TRAM2: variants seen among roughly 807,000 people sequenced by gnomAD.
TRAM2 encodes translocating chain-associated membrane protein 2.
TRAM2 carries 12 observed loss-of-function variants against 51.0 expected under a neutral mutation model. The observed-to-expected ratio is 0.24, with a 90% CI of 0.15 to 0.38. The LOEUF (loss-of-function observed/expected upper bound fraction) is 0.38. Among genes scored for constraint, TRAM2 ranks in the 10% least tolerant of loss-of-function variants. The pLI is 1.00. For missense variants in TRAM2, 361 were observed against 462.0 expected, an observed-to-expected ratio of 0.78 and a Z score of 2.00; for synonymous variants, 175 against 179.4, an observed-to-expected ratio of 0.98 and a Z score of 0.20.
chr6:52,556,967 G>A (rs149927980), intron 1 of TRAM2, among the ~76,000 whole-genome samples: 9,281 of 151,326 alleles, frequency 0.061, 759 homozygotes, highest in African/African-American at 0.18. Flanking sequence ...GCCGAGGTGG[G>A]CAGATCACCT....
At chr6:52,520,325 A>C (rs1256759258) in intron 2 of TRAM2, among the ~76,000 whole-genome samples, 1 of 152,182 alleles carries the variant, frequency 6.6e-6, no homozygotes, top group African/African-American at 2.4e-5. Flanking sequence ...GAGCTACTGG[A>C]GGATTTTCGT....
intron 1 of TRAM2, among the ~76,000 whole-genome samples, chr6:52,538,504 G>C (rs1422491626): frequency 6.6e-6 from 1 of 152,140 alleles, no homozygotes; most frequent in East Asian, 1.9e-4. Context: ...AGGAGGTGCT[G>C]CTGGCCCCCA....
chr6:52,507,674 T>C, intron 6 of TRAM2, 51 bp from the exon 7 acceptor site: 1 of 1,579,074 alleles, frequency 6.3e-7, no homozygotes, highest in Non-Finnish European at 8.7e-7. Flanking sequence ...TAACTGAAGA[T>C]TCAGGGAAGG....
At chr6:52,551,579 G>A (rs1161962073) in intron 1 of TRAM2, among the ~76,000 whole-genome samples, 1 of 152,236 alleles carries the variant, frequency 6.6e-6, no homozygotes, top group African/African-American at 2.4e-5. Flanking sequence ...CTACAGCTGA[G>A]TAGCTTGGGG....
At chr6:52,526,152 GACACACACACACAC>G (rs775593303) in intron 2 of TRAM2, among the ~76,000 whole-genome samples, 1,069 of 28,836 alleles carry the variant, frequency 0.037, 17 homozygotes, top group African/African-American at 0.11. Context: ...CACACAGACA[GACACACACACACAC>G]ACACACACAC....
chr6:52,570,803 C>T (rs200822771), intron 1 of TRAM2, among the ~76,000 whole-genome samples: 3 of 122,734 alleles, frequency 2.4e-5, no homozygotes, highest in African/African-American at 6.1e-5. Context: ...CCACCCCCCC[C>T]CCCACACGCA....
chr6:52,556,133 G>T (rs556690201), intron 1 of TRAM2, among the ~76,000 whole-genome samples: 1 of 152,222 alleles, frequency 6.6e-6, no homozygotes, highest in Admixed American at 6.5e-5. Context: ...GACAAGGTGA[G>T]GGGTAATTCT....
intron 2 of TRAM2, among the ~76,000 whole-genome samples, chr6:52,518,242 G>A (rs531374125): frequency 1.3e-5 from 2 of 152,234 alleles, no homozygotes; most frequent in South Asian, 4.2e-4. Context: ...GGAACTCGGG[G>A]ACCAGCAGGA....
At chr6:52,547,809 C>G (rs540692788) in intron 1 of TRAM2, among the ~76,000 whole-genome samples, 66 of 152,370 alleles carry the variant, frequency 4.3e-4, no homozygotes, top group African/African-American at 1.6e-3. Context: ...GTCGGCTGGA[C>G]TGACAGAGTT....
At chr6:52,536,753 C>T (rs767588966) in intron 1 of TRAM2, among the ~76,000 whole-genome samples, 1 of 152,146 alleles carries the variant, frequency 6.6e-6, no homozygotes, top group Non-Finnish European at 1.5e-5. Context: ...CCAGAGGTTT[C>T]GGATGTGCAG....
At chr6:52,542,677 C>T (rs968952363) in intron 1 of TRAM2, among the ~76,000 whole-genome samples, 1 of 152,106 alleles carries the variant, frequency 6.6e-6, no homozygotes, top group African/African-American at 2.4e-5. Flanking sequence ...AATAGACTCA[C>T]TATTAACAGT....
intron 6 of TRAM2, 57 bp from the exon 7 acceptor site, chr6:52,507,680 G>T: frequency 6.4e-7 from 1 of 1,573,910 alleles, no homozygotes. Flanking sequence ...AAGATTCAGG[G>T]AAGGGGGAAA....
At chr6:52,561,341 G>A (rs1767496383) in intron 1 of TRAM2, among the ~76,000 whole-genome samples, 1 of 152,220 alleles carries the variant, frequency 6.6e-6, no homozygotes, top group South Asian at 2.1e-4. Flanking sequence ...GAAGTGCAGT[G>A]GCGCAATCTT....
intron 2 of TRAM2, among the ~76,000 whole-genome samples, chr6:52,521,534 A>G (rs1428551839): frequency 1.3e-5 from 2 of 151,494 alleles, no homozygotes; most frequent in African/African-American, 4.8e-5. Flanking sequence ...CTCCACTAAA[A>G]ATACAAAAAA....
At chr6:52,558,082 C>T (rs758874500) in intron 1 of TRAM2, among the ~76,000 whole-genome samples, 7 of 152,158 alleles carry the variant, frequency 4.6e-5, no homozygotes, top group Non-Finnish European at 8.8e-5. Context: ...GGCAGCAGCG[C>T]CCTTCTCCTG....
intron 1 of TRAM2, among the ~76,000 whole-genome samples, chr6:52,539,114 G>T (rs970734994): frequency 6.6e-6 from 1 of 152,204 alleles, no homozygotes; most frequent in South Asian, 2.1e-4. Flanking sequence ...GCACATCATA[G>T]TCATCCTACG....
At position 52,503,153 on chromosome 6, in the gene TRAM2, G is replaced by A; in HGVS notation, c.*44C>T. On this transcript the variant is annotated 3_prime_UTR_variant, in exon 11 of 11. Coordinates refer to ENST00000182527, the MANE Select transcript of TRAM2 (RefSeq NM_012288.4). ...AGGGGGCCTGGGCTCCTTGCCCCCT[G>A]CTCGGCCCCCACCAAGAGGATTCCT... 1.3e-6 allele frequency: 2 copies of A among 1,551,826 alleles called. No homozygotes were observed. The highest frequency in any genetic ancestry group is 4.5e-5 in the East Asian group (2 of 44,370).
chr6:52,532,092 C>A (rs1473772255), intron 2 of TRAM2, among the ~76,000 whole-genome samples: 1 of 152,216 alleles, frequency 6.6e-6, no homozygotes, highest in African/African-American at 2.4e-5. Flanking sequence ...CTAGAGTGTG[C>A]TGTCTATGCT....
At chr6:52,504,546 C>A in intron 10 of TRAM2, 45 bp downstream of exon 10, 1 of 1,610,938 alleles carries the variant, frequency 6.2e-7, no homozygotes, top group Non-Finnish European at 8.5e-7. Context: ...CCATCCCAGA[C>A]AGACTTCCCT....
Sources: gnomAD v4.1 joint callset for allele counts (sites outside exome capture counted in the v4.1 genomes callset) on GRCh38, gnomAD v4.1.1 for gene constraint, MANE v1.5 for transcripts, NCBI Gene and HGNC (gene_info 2026-07-23, HGNC 2026-07-21) for gene names.